Variants in ITGA6 observed in about 807,000 individuals in gnomAD.
The protein encoded by ITGA6 is integrin alpha-6.
ITGA6 carries 63 observed loss-of-function variants against 133.6 expected under a neutral mutation model. The ratio of observed to expected loss-of-function variants is 0.47; its 90% confidence interval spans 0.38 to 0.58. The LOEUF (loss-of-function observed/expected upper bound fraction) is 0.58, where lower values mean the gene tolerates loss of function less well. Ranked by LOEUF, ITGA6 falls within the 20% of genes least tolerant of loss-of-function variation. ITGA6 has a pLI of 0.00. For synonymous variants in ITGA6, 434 were observed against 482.0 expected (o/e 0.90, Z 1.30); for missense variants, 1,068 against 1,309.4 (o/e 0.82, Z 2.85).
chr2:172,475,403 C>T (rs546637196), intron 7 of ITGA6, among the ~76,000 whole-genome samples, 194 bp from the exon 8 acceptor site: 20 of 152,036 alleles, frequency 1.3e-4, no homozygotes, highest in South Asian at 1.2e-3. Context: ...GCAGTGGTTG[C>T]GGTGAGCCAA....
chr2:172,435,722 G>A (rs1660777411), intron 1 of ITGA6, among the ~76,000 whole-genome samples: 1 of 148,312 alleles, frequency 6.7e-6, no homozygotes, highest in Admixed American at 6.7e-5. Context: ...GACCTCCTTG[G>A]GCTTAGGCAA....
intron 1 of ITGA6, among the ~76,000 whole-genome samples, chr2:172,460,643 T>C (rs1685394459): frequency 6.6e-6 from 1 of 152,244 alleles, no homozygotes; most frequent in South Asian, 2.1e-4. Context: ...TGTTGCTTTC[T>C]ACCGTTAAGT....
chr2:172,471,738 G>A (rs1156552763), intron 5 of ITGA6, among the ~76,000 whole-genome samples: 1 of 152,108 alleles, frequency 6.6e-6, no homozygotes, highest in Non-Finnish European at 1.5e-5. Flanking sequence ...TTGTTTGCAT[G>A]ACTAATGGGT....
chr2:172,437,143 G>C (rs79123315), intron 1 of ITGA6, among the ~76,000 whole-genome samples: 3 of 152,194 alleles, frequency 2.0e-5, no homozygotes, highest in African/African-American at 7.2e-5. Context: ...ATGGATCATC[G>C]AATGACTGGC....
At chr2:172,447,154 T>G (rs1227670049) in intron 1 of ITGA6, among the ~76,000 whole-genome samples, 18 of 152,222 alleles carry the variant, frequency 1.2e-4, no homozygotes, top group Non-Finnish European at 2.9e-5. Flanking sequence ...TGCCTGAGCC[T>G]CCCAAAGTGC....
In ITGA6 at chr2:172,469,347, G is replaced by GT; in HGVS notation, c.611dup (p.Phe205IlefsTer8). On this transcript the variant is annotated frameshift_variant, in exon 4 of 26. Transcript: ENST00000684293. LOFTEE classifies it high-confidence loss of function. ...TTTTACTAAAGACTTTCATTACATTGTATTTGGAGCCCCGGGTACTTATAA... is the reference window on the plus strand; with the variant it reads ...TTTTACTAAAGACTTTCATTACATTGTTATTTGGAGCCCCGGGTACTTATAA... 1 of 1,614,032 alleles carries GT rather than the reference G, an allele frequency of 6.2e-7. No individual in the cohort carries two copies. Among genetic ancestry groups the GT allele is most frequent in the Non-Finnish European group, 8.5e-7 (1 of 1,179,932 alleles).
At chr2:172,472,881 A>G in intron 5 of ITGA6, 1 of 1,599,144 alleles carries the variant, frequency 6.3e-7, no homozygotes, top group Non-Finnish European at 8.6e-7. Context: ...GATGATGAAT[A>G]GCTACCTAGG....
Position 172,491,478 on chromosome 2 carries a change from G to A in ITGA6, c.2943G>A (p.Val981=). ...TTCTCATGCGAGCCTTCATTGATGT[G>A]ACTGCTGCTGCCGAAAATATCAGGC... ...LDILMRAFID[V]TAAAENIRLP... The change falls in exon 23 of 26, where the codon GTG becomes GTA. Residue 981 remains valine, a synonymous_variant. Transcript: ENST00000684293. This position sits in a 1 kb window ranked among gnomAD's most constrained non-coding sequence, Gnocchi z 4.4. 2 of 1,613,780 alleles carry A rather than the reference G, an allele frequency of 1.2e-6. No individual in the cohort carries two copies. The highest frequency in any genetic ancestry group is 2.2e-5 in the South Asian group (2 of 91,062).
At chr2:172,445,678 G>T (rs1177928505) in intron 1 of ITGA6, among the ~76,000 whole-genome samples, 1 of 149,120 alleles carries the variant, frequency 6.7e-6, no homozygotes. Context: ...AAAAAAAAAA[G>T]CCTGAAAGAC....
intron 12 of ITGA6, 74 bp downstream of exon 12, chr2:172,485,016 T>C: frequency 6.3e-7 from 1 of 1,598,374 alleles, no homozygotes. Context: ...TACAGATTTC[T>C]GAAATTTATT....
intron 1 of ITGA6, chr2:172,428,226 T>G: frequency 4.4e-6 from 1 of 225,998 alleles, no homozygotes. Flanking sequence ...TTACTTTTTT[T>G]TCTGTTTTAA....
At chr2:172,467,668 C>A in intron 3 of ITGA6, 108 bp downstream of exon 3, 1 of 863,350 alleles carries the variant, frequency 1.2e-6, no homozygotes, top group African/African-American at 1.7e-5. Flanking sequence ...AGCGAACTTA[C>A]TGCTTTAAAG....
intron 1 of ITGA6, among the ~76,000 whole-genome samples, chr2:172,437,015 T>C (rs1684349626): frequency 6.6e-6 from 1 of 152,140 alleles, no homozygotes; most frequent in Admixed American, 6.5e-5. Flanking sequence ...GGGAAGACTT[T>C]GCTGAGAAGG....
At chr2:172,446,665 T>C (rs1684780709) in intron 1 of ITGA6, among the ~76,000 whole-genome samples, 1 of 152,234 alleles carries the variant, frequency 6.6e-6, no homozygotes, top group African/African-American at 2.4e-5. Flanking sequence ...TGGCAACTGA[T>C]AAGTCGGGTA....
chr2:172,501,530 A>G (rs1340106924), intron 24 of ITGA6, among the ~76,000 whole-genome samples: 1 of 152,196 alleles, frequency 6.6e-6, no homozygotes, highest in African/African-American at 2.4e-5. Flanking sequence ...TTCTGTTACA[A>G]AGAGAAAAAT....
intron 23 of ITGA6, among the ~76,000 whole-genome samples, chr2:172,492,584 T>C (rs1686969011): frequency 6.6e-6 from 1 of 152,218 alleles, no homozygotes; most frequent in South Asian, 2.1e-4. Flanking sequence ...ATATGTTGAA[T>C]AGGACTAGGT....
intron 1 of ITGA6, among the ~76,000 whole-genome samples, chr2:172,439,489 T>A (rs925008485): frequency 6.6e-6 from 1 of 151,920 alleles, no homozygotes; most frequent in African/African-American, 2.4e-5. Context: ...GACTTGAGCA[T>A]ACATTCCCCT....
In ITGA6 at chr2:172,430,114, G is replaced by A. The variant is rs141191768; in HGVS notation, c.182+2144G>A. Among the ~76,000 whole-genome samples, 4 of 152,318 alleles carry A rather than the reference G, an allele frequency of 2.6e-5. No homozygotes were observed. The East Asian group carries it at 7.7e-4, about 29-fold the overall frequency. ...CCTTCTCGGCCTTTTATTAGCAGCT[G>A]TTAATTTACTTTGAGCTTTAATTTC... On this transcript the variant is annotated intron_variant, in intron 1 of 25. Transcript: ENST00000684293.
At chr2:172,480,631 G>A (rs1686401166) in intron 11 of ITGA6, among the ~76,000 whole-genome samples, 1 of 152,110 alleles carries the variant, frequency 6.6e-6, no homozygotes, top group Admixed American at 6.5e-5. Context: ...TGACCCACAG[G>A]GCAAGTCCCT....
Sources: gnomAD v4.1 joint callset for allele counts (sites outside exome capture counted in the v4.1 genomes callset) on GRCh38, gnomAD v4.1.1 for gene constraint, Gnocchi (gnomAD v3.1) non-coding constraint, MANE v1.5 for transcripts, NCBI Gene and HGNC (gene_info 2026-07-23, HGNC 2026-07-21) for gene names.